The following STK32C variants were observed in gnomAD, a reference collection of about 807,000 sequenced individuals.
STK32C encodes serine/threonine-protein kinase 32C.
A neutral mutation model predicts 56.5 loss-of-function variants in STK32C; 31 were observed. The observed-to-expected ratio is 0.55, with a 90% CI of 0.41 to 0.74. The LOEUF is 0.74. Ranked by LOEUF, STK32C falls within the 30% of genes least tolerant of loss-of-function variation. The pLI, the probability that STK32C is intolerant of heterozygous loss-of-function variation, is 0.00. For missense variants in STK32C, 544 were observed against 676.9 expected (o/e 0.80, Z 2.18); for synonymous variants, 309 against 289.4 (o/e 1.07, Z -0.69).
intron 1 of STK32C, among the ~76,000 whole-genome samples, chr10:132,304,021 T>C (rs766901921): frequency 2.0e-5 from 3 of 152,236 alleles, no homozygotes; most frequent in Non-Finnish European, 4.4e-5. Flanking sequence ...GAGGGACCAA[T>C]TGAGCGGCCA....
chr10:132,230,897 C>T (rs556738834), intron 2 of STK32C, among the ~76,000 whole-genome samples: 12 of 152,332 alleles, frequency 7.9e-5, no homozygotes, highest in African/African-American at 2.9e-4. Context: ...TGGAAGAACA[C>T]GCCTTCCCTT....
intron 1 of STK32C, among the ~76,000 whole-genome samples, chr10:132,317,095 G>A (rs979711986): frequency 6.6e-6 from 1 of 151,954 alleles, no homozygotes. Context: ...AGATAAAATG[G>A]AGAAACTATT....
chr10:132,262,258 T>A (rs1412525996), intron 1 of STK32C, among the ~76,000 whole-genome samples: 1 of 152,198 alleles, frequency 6.6e-6, no homozygotes, highest in East Asian at 1.9e-4. Flanking sequence ...AGAATGAAGC[T>A]GGACTTCTGC....
rs539627244 is a variant in STK32C at position 132,306,596 on chromosome 10, C to T, written c.262+976G>A. Among the ~76,000 whole-genome samples the T allele has an allele frequency of 3.9e-5, 6 of 152,344 alleles. No individual in the cohort carries two copies. The East Asian group carries it at 7.7e-4, about 20-fold the overall frequency. On this transcript the variant is annotated intron_variant, in intron 1 of 11. Transcript: ENST00000298630. ...TTCCCATAATGCTTAAATTATTTAT[C>T]GCAAGTAAATAGCCTGGCTCCTGAG...
intron 1 of STK32C, among the ~76,000 whole-genome samples, chr10:132,280,269 C>T (rs551422045): frequency 5.2e-3 from 746 of 144,460 alleles, no homozygotes; most frequent in African/African-American, 0.019. Flanking sequence ...ACCCCGTGAC[C>T]ACGCCCCTGC....
At chr10:132,321,557 T>C (rs1468412818), downstream of STK32C, among the ~76,000 whole-genome samples, 1 of 152,160 alleles carries the variant, frequency 6.6e-6, no homozygotes, top group East Asian at 1.9e-4. Context: ...GGGCCGGGCA[T>C]GGTCGTTCAT....
intron 1 of STK32C, among the ~76,000 whole-genome samples, chr10:132,270,757 C>T (rs184399613): frequency 1.3e-5 from 2 of 152,312 alleles, no homozygotes; most frequent in Non-Finnish European, 2.9e-5. Flanking sequence ...AGAACCACAG[C>T]GAGCCCTGCA....
chr10:132,225,541 G>A lies in STK32C; in HGVS notation c.758C>T (p.Thr253Ile). 1 of 1,613,866 alleles carries A rather than the reference G, an allele frequency of 6.2e-7. No homozygotes were observed. The highest frequency in any genetic ancestry group is 8.5e-7 in the Non-Finnish European group (1 of 1,180,022). Residue 253 changes from threonine to isoleucine, a missense_variant, in exon 6 of 12, where the codon ACC becomes ATC. By Grantham distance (89) the Thr-to-Ile change is moderately conservative (BLOSUM62 -1). Transcript: ENST00000298630. The stretch of plus-strand genomic sequence containing the variant: ...CTCGGGCTCACCCATGTACGGCTTG[G>A]TGCCTGCTAATGCCGTCGCCCGCTC... Reference protein sequence around the residue: ...DGERATALAGTKPYMAPEIFH... With the variant: ...DGERATALAGIKPYMAPEIFH...
At chr10:132,313,411 A>C (rs1166077897) in intron 1 of STK32C, among the ~76,000 whole-genome samples, 1 of 152,236 alleles carries the variant, frequency 6.6e-6, no homozygotes, top group African/African-American at 2.4e-5. Flanking sequence ...GACATTTGCC[A>C]AGCACCTGCT....
intron 2 of STK32C, among the ~76,000 whole-genome samples, chr10:132,237,994 C>T (rs375692574): frequency 1.3e-5 from 2 of 152,224 alleles, no homozygotes; most frequent in East Asian, 3.9e-4. Context: ...AGACCCAGCA[C>T]AGCCTGGAGC....
At chr10:132,228,354 C>T (rs1378724165) in intron 2 of STK32C, among the ~76,000 whole-genome samples, 6 of 152,258 alleles carry the variant, frequency 3.9e-5, no homozygotes, top group Middle Eastern at 3.4e-3. Flanking sequence ...TTTTGGAGGC[C>T]GTGATTCTGC....
chr10:132,267,913 C>T (rs1359646892), intron 1 of STK32C, among the ~76,000 whole-genome samples: 2,261 of 83,116 alleles, frequency 0.027, no homozygotes, highest in Middle Eastern at 0.05. Flanking sequence ...GTGTGTGTGT[C>T]AGTGCGTGTG....
intron 8 of STK32C, among the ~76,000 whole-genome samples, chr10:132,223,544 G>A (rs898979210): frequency 3.3e-5 from 5 of 152,234 alleles, no homozygotes; most frequent in African/African-American, 9.6e-5. Context: ...TCCCCACGCA[G>A]GCCCTCTCTA....
intron 11 of STK32C, 137 bp downstream of exon 11, chr10:132,208,897 T>TG (rs1405960442): frequency 2.6e-6 from 2 of 770,234 alleles, no homozygotes; most frequent in Admixed American, 2.4e-5. Flanking sequence ...CCATAGCTGC[T>TG]GCTCAGAGTC....
chr10:132,215,804 A>G (rs1421606005), intron 10 of STK32C, among the ~76,000 whole-genome samples: 10 of 152,250 alleles, frequency 6.6e-5, no homozygotes, highest in Non-Finnish European at 1.0e-4. Context: ...TCAGAAGAAG[A>G]CAGGAAAATG....
Position 132,227,967 on chromosome 10 carries a change from GCAGGCTCA to G in STK32C, c.470+2_470+9del, listed in dbSNP as rs756471198. On this transcript the variant is annotated splice_donor_variant and splice_donor_5th_base_variant and intron_variant, in intron 3 of 11. Coordinates refer to ENST00000298630, the MANE Select transcript of STK32C (RefSeq NM_173575.4). LOFTEE classifies it high-confidence loss of function. ...TAAGTCTTTCTGCAGCGAGGCCATG[GCAGGCTCA>G]CCAGAGGTTCACCAGGAAGACGTGC... The G allele has an allele frequency of 1.2e-6, 2 of 1,612,352 alleles. No homozygotes were observed.
intron 1 of STK32C, among the ~76,000 whole-genome samples, chr10:132,290,665 T>C (rs1206670748): frequency 6.6e-6 from 1 of 152,210 alleles, no homozygotes; most frequent in Non-Finnish European, 1.5e-5. Flanking sequence ...GTGTCCAGCA[T>C]GCTGTGTCCT....
chr10:132,268,023 A>C (rs995771679), intron 1 of STK32C, among the ~76,000 whole-genome samples: 1 of 134,272 alleles, frequency 7.4e-6, no homozygotes. Context: ...ATGCATGTGT[A>C]TGCATGTTCG....
At chr10:132,266,443 C>G (rs2064531514) in intron 1 of STK32C, among the ~76,000 whole-genome samples, 2 of 152,290 alleles carry the variant, frequency 1.3e-5, no homozygotes, top group East Asian at 3.9e-4. Flanking sequence ...TCTGCATACT[C>G]ACATCTGTGC....
Sources: allele counts gnomAD v4.1 joint callset (sites outside exome capture counted in the v4.1 genomes callset), GRCh38; gene constraint gnomAD v4.1.1; transcripts MANE v1.5; gene names NCBI Gene and HGNC (gene_info 2026-07-23, HGNC 2026-07-21).